SH3BP5: variants seen among roughly 807,000 people sequenced by gnomAD.
SH3BP5 encodes the protein SH3 domain binding protein 5.
A neutral mutation model predicts 43.3 loss-of-function variants in SH3BP5; 22 were observed. The ratio of observed to expected loss-of-function variants is 0.51; its 90% CI spans 0.36 to 0.73. The LOEUF (loss-of-function observed/expected upper bound fraction) is 0.73, where lower values mean the gene tolerates loss of function less well. Among genes scored for constraint, SH3BP5 ranks in the 30% least tolerant of loss-of-function variants. The pLI, the probability that SH3BP5 is intolerant of heterozygous loss-of-function variation, is 0.00. For missense variants in SH3BP5, 529 were observed against 586.9 expected (o/e 0.90, Z 1.02); for synonymous variants, 255 against 225.8 (o/e 1.13, Z -1.16).
intron 1 of SH3BP5, among the ~76,000 whole-genome samples, chr3:15,331,287 C>A (rs1698602118): frequency 6.6e-6 from 1 of 152,150 alleles, no homozygotes; most frequent in Non-Finnish European, 1.5e-5. Context: ...TCCACCTGAT[C>A]TTTATCTTGC....
intron 3 of SH3BP5, among the ~76,000 whole-genome samples, chr3:15,293,974 A>G (rs1320444323): frequency 8.0e-5 from 12 of 150,010 alleles, no homozygotes; most frequent in African/African-American, 2.9e-4. Context: ...GCTACTCGGG[A>G]GGCTGAGACA....
chr3:15,256,250 GGTT>G lies in SH3BP5; in HGVS notation c.1201_1203del (p.Asn401del), dbSNP rs768582614. On this transcript the variant is annotated inframe_deletion, in exon 9 of 9. Transcript: ENST00000383791. The stretch of plus-strand genomic sequence containing the variant: ...CTGCCACTGCTACTGCTGAGGCCCC[GGTT>G]GTTGTTGGCTTTGTCACTTGTTTTA... 10 of 1,614,026 alleles carry G rather than the reference GGTT, an allele frequency of 6.2e-6. No homozygotes were observed. The African/African-American group carries it at 6.7e-5, about 11-fold the overall frequency.
intron 3 of SH3BP5, among the ~76,000 whole-genome samples, chr3:15,295,716 G>C (rs1201341254): frequency 6.6e-6 from 1 of 152,204 alleles, no homozygotes; most frequent in Admixed American, 6.5e-5. Context: ...ACTCAAGTAA[G>C]TGCTAAAGTA....
intron 2 of SH3BP5, among the ~76,000 whole-genome samples, chr3:15,323,829 G>C (rs753968389): frequency 2.0e-5 from 3 of 152,216 alleles, no homozygotes; most frequent in Non-Finnish European, 2.9e-5. Context: ...GAGGGAGCTG[G>C]GATTCAATGC....
intron 1 of SH3BP5, among the ~76,000 whole-genome samples, chr3:15,330,985 C>T (rs1471164375): frequency 6.7e-6 from 1 of 150,110 alleles, no homozygotes; most frequent in Non-Finnish European, 1.5e-5. Flanking sequence ...TCATCAAGGG[C>T]AGAATTCTGG....
At chr3:15,290,112 C>T (rs549576391) in intron 3 of SH3BP5, among the ~76,000 whole-genome samples, 24 of 152,242 alleles carry the variant, frequency 1.6e-4, no homozygotes, top group African/African-American at 5.3e-4. Flanking sequence ...ATTTAAACCA[C>T]TTCCTCAGGC....
chr3:15,267,211 G>A lies in SH3BP5; in HGVS notation c.495+2502C>T, dbSNP rs370325081. On this transcript the variant is annotated intron_variant, in intron 4 of 8. Coordinates refer to ENST00000383791, the MANE Select transcript of SH3BP5 (RefSeq NM_004844.5). Reference sequence around the variant, plus strand: ...CAACATGAGCACCACTGGGGGAAACGCTAAGTCCAGAGAGTTCCCAGTTAC... The same window carrying A: ...CAACATGAGCACCACTGGGGGAAACACTAAGTCCAGAGAGTTCCCAGTTAC... 1.2e-4 allele frequency among the ~76,000 whole-genome samples: 19 copies of A among 152,316 alleles called. 1 individual carries two copies. In the East Asian group the frequency reaches 3.3e-3, roughly 26 times the overall value.
chr3:15,265,561 A>ACACACACACACACACACAC (rs1553613901), intron 4 of SH3BP5, among the ~76,000 whole-genome samples: 29 of 44,500 alleles, frequency 6.5e-4, no homozygotes, highest in African/African-American at 2.1e-3. Context: ...CACACACACA[A>ACACACACACACACACACAC]CCCTCCAGCT....
upstream of SH3BP5, among the ~76,000 whole-genome samples, chr3:15,333,864 A>G (rs752939336): frequency 5.9e-5 from 9 of 152,212 alleles, no homozygotes; most frequent in Admixed American, 6.5e-5. Flanking sequence ...AGGTGCTTCA[A>G]AGCTCCTTGC....
At chr3:15,331,286 T>A (rs1342746784) in intron 1 of SH3BP5, among the ~76,000 whole-genome samples, 25 of 152,212 alleles carry the variant, frequency 1.6e-4, no homozygotes, top group Non-Finnish European at 2.5e-4. Context: ...TTCCACCTGA[T>A]CTTTATCTTG....
At chr3:15,337,714 TG>T (rs1470386490) in intron 1 of SH3BP5, among the ~76,000 whole-genome samples, 1 of 151,682 alleles carries the variant, frequency 6.6e-6, no homozygotes, top group Non-Finnish European at 1.5e-5. Flanking sequence ...AAGACCAGCC[TG>T]GGCAACATAG....
intron 2 of SH3BP5, among the ~76,000 whole-genome samples, chr3:15,307,754 C>A (rs1464636722): frequency 6.6e-6 from 1 of 152,234 alleles, no homozygotes; most frequent in Non-Finnish European, 1.5e-5. Context: ...AAGATGCACT[C>A]GCATGCATGA....
chr3:15,261,577 G>C (rs1347709177), intron 5 of SH3BP5, among the ~76,000 whole-genome samples: 1 of 152,182 alleles, frequency 6.6e-6, no homozygotes, highest in Non-Finnish European at 1.5e-5. Flanking sequence ...CCTTTTGCTA[G>C]GAGGCCTAGC....
chr3:15,335,197 C>A (rs1056729767), upstream of SH3BP5, among the ~76,000 whole-genome samples: 1 of 151,920 alleles, frequency 6.6e-6, no homozygotes, highest in Admixed American at 6.6e-5. Context: ...GAGTTTGAGA[C>A]CAGCCAGGAC....
chr3:15,277,520 C>T (rs1030512412), intron 3 of SH3BP5, among the ~76,000 whole-genome samples: 3 of 152,074 alleles, frequency 2.0e-5, no homozygotes, highest in Admixed American at 1.3e-4. Context: ...ACCAGAGTCC[C>T]GAAAATGGGG....
At position 15,257,010 on chromosome 3, in the gene SH3BP5, C is replaced by T. The variant is rs748118541; in HGVS notation, c.993G>A (p.Pro331=). The T allele has an allele frequency of 2.0e-5, 32 of 1,614,084 alleles. No homozygotes were observed. Among genetic ancestry groups the T allele is most frequent in the Admixed American group, 1.7e-4 (10 of 60,010 alleles). Residue 331 remains proline (P), a synonymous_variant, in exon 8 of 9, where the codon CCG becomes CCA. Transcript: ENST00000383791. Reference sequence around the variant, plus strand: ...CAGGGAACTGGTCAGGCATCTCAGACGGGCTTGTTGGTCCTGAACTAAAGC... The same window carrying T: ...CAGGGAACTGGTCAGGCATCTCAGATGGGCTTGTTGGTCCTGAACTAAAGC... The part of the protein sequence containing the change: ...VSSFSSGPTS[P]SEMPDQFPAV...
intron 5 of SH3BP5, among the ~76,000 whole-genome samples, chr3:15,261,734 C>G (rs1295153242): frequency 6.6e-6 from 1 of 151,674 alleles, no homozygotes; most frequent in South Asian, 2.1e-4. Flanking sequence ...GCCAGTCTTA[C>G]AGCATTTTAT....
chr3:15,269,143 A>G (rs1575290496), intron 4 of SH3BP5, among the ~76,000 whole-genome samples: 1 of 152,140 alleles, frequency 6.6e-6, no homozygotes, highest in South Asian at 2.1e-4. Context: ...ACCCAATATA[A>G]TGACATAAAA....
intron 3 of SH3BP5, among the ~76,000 whole-genome samples, chr3:15,300,513 G>A (rs1036026240): frequency 1.3e-5 from 2 of 150,126 alleles, no homozygotes; most frequent in African/African-American, 2.4e-5. Flanking sequence ...GGGGCGGGGG[G>A]ACAAGAGGAA....
Sources: allele counts gnomAD v4.1 joint callset (sites outside exome capture counted in the v4.1 genomes callset), GRCh38; gene constraint gnomAD v4.1.1; transcripts MANE v1.5; gene names NCBI Gene and HGNC (gene_info 2026-07-23, HGNC 2026-07-21).